The following CYP20A1 variants were observed in gnomAD, a reference collection of about 807,000 sequenced individuals.
CYP20A1 encodes the protein cytochrome P450 family 20 subfamily A member 1, also known as cytochrome P450 20A1.
In CYP20A1, 61 loss-of-function variants were observed where a neutral mutation model predicts 61.4. The observed-to-expected ratio is 0.99, with a 90% CI of 0.81 to 1.23. The LOEUF (loss-of-function observed/expected upper bound fraction) is 1.23. Among genes scored for constraint, CYP20A1 ranks in the 50% most tolerant of loss-of-function variants. The pLI is 0.00. For synonymous variants in CYP20A1, 193 were observed against 188.2 expected, an observed-to-expected ratio of 1.03 and a Z score of -0.21; for missense variants, 530 against 542.4, an observed-to-expected ratio of 0.98 and a Z score of 0.23.
At chr2:203,291,096 AGGGT>A in intron 10 of CYP20A1, among the ~76,000 whole-genome samples, 1 of 152,116 alleles carries the variant, frequency 6.6e-6, no homozygotes, top group Admixed American at 6.6e-5. Context: ...ATTTTTAGAC[AGGGT>A]CTTGCTCTGT....
intron 4 of CYP20A1, among the ~76,000 whole-genome samples, chr2:203,261,193 A>AC (rs537534111): frequency 1.6e-3 from 250 of 151,766 alleles, no homozygotes; most frequent in African/African-American, 4.5e-3. Context: ...ACATAGTGAG[A>AC]CCCCACCTCT....
intron 11 of CYP20A1, among the ~76,000 whole-genome samples, chr2:203,294,503 A>G (rs2068688473): frequency 6.6e-6 from 1 of 152,100 alleles, no homozygotes; most frequent in Admixed American, 6.6e-5. Flanking sequence ...CTGGGCAACA[A>G]GAATGAAACT....
At chr2:203,252,301 A>G (rs971895266) in intron 4 of CYP20A1, among the ~76,000 whole-genome samples, 192 bp downstream of exon 4, 1 of 152,136 alleles carries the variant, frequency 6.6e-6, no homozygotes, top group Non-Finnish European at 1.5e-5. Flanking sequence ...AAATCTTAAC[A>G]TCCAGACTCA....
intron 8 of CYP20A1, among the ~76,000 whole-genome samples, chr2:203,284,706 CCA>C (rs2068192129): frequency 1.3e-5 from 2 of 150,710 alleles, no homozygotes; most frequent in South Asian, 2.1e-4. Flanking sequence ...ATAGCATCAG[CCA>C]TCTCCCAGGT....
intron 4 of CYP20A1, among the ~76,000 whole-genome samples, chr2:203,256,450 C>T (rs1191649667): frequency 6.6e-6 from 1 of 152,114 alleles, no homozygotes; most frequent in Non-Finnish European, 1.5e-5. Context: ...ACCTCTGCCT[C>T]CCGGGTTCAA....
chr2:203,287,906 T>C (rs2068352873), intron 9 of CYP20A1, among the ~76,000 whole-genome samples: 1 of 151,892 alleles, frequency 6.6e-6, no homozygotes. Flanking sequence ...TAGATTCTCT[T>C]TTCGTCTCTT....
rs538266286 is a variant in CYP20A1 at position 203,286,700 on chromosome 2, G to A, written c.971+968G>A. 2.0e-5 allele frequency among the ~76,000 whole-genome samples: 3 copies of A among 152,284 alleles called. No homozygotes were observed. In the South Asian group the frequency reaches 6.2e-4, roughly 32 times the overall value. On this transcript the variant is annotated intron_variant, in intron 9 of 12. Coordinates refer to ENST00000356079, the MANE Select transcript of CYP20A1 (RefSeq NM_177538.3). ...AGGAATGGGGATCAACTACAAAGGG[G>A]CATGAAGAAAATGAAACTATCATAT...
intron 5 of CYP20A1, among the ~76,000 whole-genome samples, chr2:203,269,434 A>G (rs1196206288): frequency 6.6e-6 from 1 of 152,056 alleles, no homozygotes; most frequent in Non-Finnish European, 1.5e-5. Flanking sequence ...CCTGTCTCAA[A>G]AAACAAAATT....
intron 4 of CYP20A1, among the ~76,000 whole-genome samples, chr2:203,258,388 TAAAA>T (rs56367282): frequency 5.2e-4 from 72 of 138,062 alleles, no homozygotes; most frequent in Admixed American, 6.5e-4. Context: ...ACCCTATGTT[TAAAA>T]AAAAAAAAAA....
At chr2:203,278,792 A>C (rs1043670839) in intron 7 of CYP20A1, 104 bp downstream of exon 7, 6 of 616,620 alleles carry the variant, frequency 9.7e-6, no homozygotes, top group African/African-American at 1.9e-5. Flanking sequence ...AGGTGGGAGG[A>C]TCACTTGAAC....
chr2:203,281,378 A>C (rs1365299585), intron 8 of CYP20A1, among the ~76,000 whole-genome samples: 2 of 152,092 alleles, frequency 1.3e-5, no homozygotes, highest in Admixed American at 6.5e-5. Flanking sequence ...CTGGTGGCAC[A>C]CACTTGTAAT....
At chr2:203,286,805 G>A (rs936108587) in intron 9 of CYP20A1, among the ~76,000 whole-genome samples, 12 of 152,122 alleles carry the variant, frequency 7.9e-5, no homozygotes, top group Admixed American at 3.3e-4. Context: ...TAATTTTATT[G>A]CATATAACTA....
At chr2:203,256,171 G>A (rs1208742416) in intron 4 of CYP20A1, among the ~76,000 whole-genome samples, 1 of 149,040 alleles carries the variant, frequency 6.7e-6, no homozygotes, top group Non-Finnish European at 1.5e-5. Context: ...GTCTCATTAT[G>A]TTTCCTAGGC....
intron 11 of CYP20A1, among the ~76,000 whole-genome samples, chr2:203,295,798 A>G (rs1324746524): frequency 6.6e-6 from 1 of 152,016 alleles, no homozygotes; most frequent in East Asian, 1.9e-4. Flanking sequence ...AAAATAAAAA[A>G]ATTAGCTGGG....
chr2:203,251,793 G>GTATATATATATATATA (rs34020768), intron 3 of CYP20A1, among the ~76,000 whole-genome samples, 174 bp from the exon 4 acceptor site: 4 of 64,176 alleles, frequency 6.2e-5, no homozygotes, highest in Admixed American at 2.0e-4. Context: ...ATATATATGT[G>GTATATATATATATATA]TATATATATA....
In CYP20A1 at chr2:203,302,941, T is replaced by C. The variant is rs1035639506; in HGVS notation, c.*6033T>C. On this transcript the variant is annotated 3_prime_UTR_variant, in exon 13 of 13. Coordinates refer to ENST00000356079, the MANE Select transcript of CYP20A1 (RefSeq NM_177538.3). ...CTCTTGACCTTGTGATCTGCCCAAC[T>C]CAGCCTCCCAGAGTGCTGGGATTAC... Among the ~76,000 whole-genome samples the C allele has an allele frequency of 2.6e-5, 4 of 152,052 alleles. No homozygotes were observed. The highest frequency in any genetic ancestry group is 9.7e-5 in the African/African-American group (4 of 41,402).
chr2:203,279,752 T>C (rs2067969271), intron 7 of CYP20A1, among the ~76,000 whole-genome samples: 1 of 152,112 alleles, frequency 6.6e-6, no homozygotes, highest in Admixed American at 6.6e-5. Flanking sequence ...GAACCAGTAA[T>C]ACTCACAACA....
At chr2:203,275,322 C>T (rs902817877) in intron 6 of CYP20A1, among the ~76,000 whole-genome samples, 36 of 152,296 alleles carry the variant, frequency 2.4e-4, no homozygotes, top group African/African-American at 7.9e-4. Context: ...ATTGACATGA[C>T]GTGTGACTTG....
chr2:203,288,211 A>G (rs1198782920), intron 9 of CYP20A1, among the ~76,000 whole-genome samples: 3 of 151,244 alleles, frequency 2.0e-5, no homozygotes, highest in African/African-American at 7.3e-5. Flanking sequence ...AATTACAGGC[A>G]TGCACCACCA....
Sources: gnomAD v4.1 joint callset for allele counts (sites outside exome capture counted in the v4.1 genomes callset) on GRCh38, gnomAD v4.1.1 for gene constraint, MANE v1.5 for transcripts, NCBI Gene and HGNC (gene_info 2026-07-23, HGNC 2026-07-21) for gene names.